Variants in CHMP4C observed in about 807,000 individuals in gnomAD.
CHMP4C encodes the protein charged multivesicular body protein 4C.
In CHMP4C, 28 loss-of-function variants were observed where a neutral mutation model predicts 29.0. The ratio of observed to expected loss-of-function variants is 0.97; its 90% CI spans 0.72 to 1.32. The LOEUF (loss-of-function observed/expected upper bound fraction) is 1.32, where lower values mean the gene tolerates loss of function less well. CHMP4C is among the 40% of genes most tolerant of loss of function. The pLI is 0.00. For missense variants in CHMP4C, 291 were observed against 281.0 expected, an observed-to-expected ratio of 1.04 and a Z score of -0.25; for synonymous variants, 106 against 102.4, an observed-to-expected ratio of 1.04 and a Z score of -0.21.
intron 1 of CHMP4C, among the ~76,000 whole-genome samples, chr8:81,734,109 A>C (rs74964716): frequency 1.3e-5 from 2 of 152,148 alleles, no homozygotes; most frequent in Non-Finnish European, 2.9e-5. Flanking sequence ...TTTGTGTCTG[A>C]AAATATTCTG....
At position 81,753,798 on chromosome 8, in the gene CHMP4C, T is replaced by G. The variant is rs1052711235; in HGVS notation, c.368+557T>G. 3.9e-5 allele frequency among the ~76,000 whole-genome samples: 6 copies of G among 152,186 alleles called. 1 individual carries two copies. The highest frequency in any genetic ancestry group is 4.1e-4 in the South Asian group (2 of 4,830). On this transcript the variant is annotated intron_variant, in intron 2 of 4. Transcript: ENST00000297265. ...TGACTATCCCTTGGGCAATTTATTA[T>G]ACTTTATTCAGTTTCCTTATATGTA...
intron 2 of CHMP4C, among the ~76,000 whole-genome samples, chr8:81,754,037 C>G (rs1808942188): frequency 6.6e-6 from 1 of 152,056 alleles, no homozygotes; most frequent in African/African-American, 2.4e-5. Context: ...CAAGGATGCA[C>G]AAGAGCAATG....
Position 81,753,055 on chromosome 8 carries a change from C to T in CHMP4C, c.191-9C>T. 1 of 1,593,226 alleles carries T rather than the reference C, an allele frequency of 6.3e-7. No homozygotes were observed. The highest frequency in any genetic ancestry group is 1.2e-5 in the South Asian group (1 of 86,870). On this transcript the variant is annotated splice_polypyrimidine_tract_variant and intron_variant, in intron 1 of 4. Coordinates refer to ENST00000297265, the MANE Select transcript of CHMP4C (RefSeq NM_152284.4). ...CTTTCCTAATAAATGTGGCTTCTCT[C>T]TTATTTAGCTGCATTACAGGCACTA...
chr8:81,736,554 T>C (rs1307822979), intron 1 of CHMP4C, among the ~76,000 whole-genome samples: 1 of 152,160 alleles, frequency 6.6e-6, no homozygotes, highest in East Asian at 1.9e-4. Context: ...ACAGGATGAA[T>C]CTACTAGGTG....
At chr8:81,744,265 T>G (rs1180510645) in intron 1 of CHMP4C, among the ~76,000 whole-genome samples, 2 of 152,208 alleles carry the variant, frequency 1.3e-5, no homozygotes, top group Non-Finnish European at 2.9e-5. Flanking sequence ...AGGCTTATAG[T>G]TCCCAATTTC....
intron 3 of CHMP4C, 54 bp downstream of exon 3, chr8:81,755,538 T>A: frequency 3.0e-6 from 3 of 1,008,950 alleles, no homozygotes; most frequent in South Asian, 1.3e-5. Flanking sequence ...AAGAGTAGCT[T>A]CCTGTCATAT....
intron 1 of CHMP4C, among the ~76,000 whole-genome samples, chr8:81,737,203 C>T (rs140803851): frequency 1.5e-3 from 236 of 152,272 alleles, no homozygotes; most frequent in African/African-American, 5.5e-3. Context: ...CTGAGCACTG[C>T]GTCTTAAATA....
intron 1 of CHMP4C, among the ~76,000 whole-genome samples, chr8:81,736,132 TAAATAA>T (rs1808687850): frequency 9.9e-6 from 1 of 101,368 alleles, no homozygotes; most frequent in South Asian, 3.6e-4. Flanking sequence ...AATAAATAAA[TAAATAA>T]ATGTTAGAAA....
chr8:81,735,476 A>G (rs891104803), intron 1 of CHMP4C, among the ~76,000 whole-genome samples: 1 of 152,248 alleles, frequency 6.6e-6, no homozygotes, highest in African/African-American at 2.4e-5. Flanking sequence ...GATATAAAAT[A>G]GTAAAATAAA....
chr8:81,758,801 G>A lies in CHMP4C; in HGVS notation c.*257G>A, dbSNP rs1440670564. 9 of 381,400 alleles carry A rather than the reference G, an allele frequency of 2.4e-5. No homozygotes were observed. Among genetic ancestry groups the A allele is most frequent in the Non-Finnish European group, 3.8e-5 (8 of 212,932 alleles). The allele number at this position is 381,400 out of a possible 1,614,324, so 23.6% of individuals were successfully genotyped here. On this transcript the variant is annotated 3_prime_UTR_variant, in exon 5 of 5. Transcript: ENST00000297265. ...GAGGCAGTTGAGACCAGGAGTTCGA[G>A]TCCAGCCTGACCAACATGAAGAAAC...
chr8:81,739,504 C>G (rs1393769383), intron 1 of CHMP4C, among the ~76,000 whole-genome samples: 1 of 151,770 alleles, frequency 6.6e-6, no homozygotes, highest in Non-Finnish European at 1.5e-5. Context: ...AGTCAACTAC[C>G]CCTCTCCTGG....
intron 3 of CHMP4C, 58 bp from the exon 4 acceptor site, chr8:81,758,084 G>A (rs1450447099): frequency 6.6e-7 from 1 of 1,525,048 alleles, no homozygotes; most frequent in African/African-American, 1.4e-5. Context: ...TATTGTGTTT[G>A]AGGAAACCCA....
chr8:81,748,491 G>T (rs1808858764), intron 1 of CHMP4C, among the ~76,000 whole-genome samples: 1 of 152,108 alleles, frequency 6.6e-6, no homozygotes, highest in African/African-American at 2.4e-5. Context: ...GTATTAATTT[G>T]GGGAACTAAT....
intron 1 of CHMP4C, among the ~76,000 whole-genome samples, chr8:81,748,531 T>C (rs968946702): frequency 6.6e-6 from 1 of 152,208 alleles, no homozygotes; most frequent in African/African-American, 2.4e-5. Flanking sequence ...ACAATCCATG[T>C]TCTTCTGTCA....
At position 81,737,944 on chromosome 8, in the gene CHMP4C, A is replaced by G. The variant is rs188220386; in HGVS notation, c.190+5128A>G. Reference sequence around the variant, plus strand: ...CTGAAGGCCTTTCACATATTTTATGACAGCAATCAATTCTTCAAGTCTCCT... The same window carrying G: ...CTGAAGGCCTTTCACATATTTTATGGCAGCAATCAATTCTTCAAGTCTCCT... On this transcript the variant is annotated intron_variant, in intron 1 of 4. Transcript: ENST00000297265. 5.9e-5 allele frequency among the ~76,000 whole-genome samples: 9 copies of G among 152,334 alleles called. No homozygotes were observed. The East Asian group carries it at 1.5e-3, about 26-fold the overall frequency.
intron 1 of CHMP4C, among the ~76,000 whole-genome samples, chr8:81,739,425 G>GGC (rs1203850438): frequency 4.3e-5 from 6 of 140,150 alleles, no homozygotes; most frequent in Admixed American, 1.4e-4. Flanking sequence ...TTGTGGGGGG[G>GGC]GGTGGAAAAA....
chr8:81,734,660 CCATTTCCTT>C (rs2130469994), intron 1 of CHMP4C, among the ~76,000 whole-genome samples: 1 of 152,190 alleles, frequency 6.6e-6, no homozygotes, highest in African/African-American at 2.4e-5. Context: ...AAAAAATTGA[CCATTTCCTT>C]CTAGGAAGTG....
intron 1 of CHMP4C, among the ~76,000 whole-genome samples, chr8:81,737,016 C>G (rs1475420248): frequency 2.6e-5 from 4 of 152,124 alleles, no homozygotes; most frequent in Admixed American, 2.6e-4. Flanking sequence ...CTCTGTTGAT[C>G]AAAAGAGTAA....
rs1387071155 is a variant in CHMP4C at position 81,734,300 on chromosome 8, G to A, written c.190+1484G>A. 4.6e-5 allele frequency among the ~76,000 whole-genome samples: 7 copies of A among 152,100 alleles called. No individual in the cohort carries two copies. The East Asian group carries it at 1.2e-3, about 25-fold the overall frequency. ...TCTATTTGGATCTGTGTACAGCTTT[G>A]TCTACCATGGTTGCTCAGCAAATAT... On this transcript the variant is annotated intron_variant, in intron 1 of 4. Coordinates refer to ENST00000297265, the MANE Select transcript of CHMP4C (RefSeq NM_152284.4).
Sources: allele counts gnomAD v4.1 joint callset (sites outside exome capture counted in the v4.1 genomes callset), GRCh38; gene constraint gnomAD v4.1.1; transcripts MANE v1.5; gene names NCBI Gene and HGNC (gene_info 2026-07-23, HGNC 2026-07-21).